Variants in ARL14EPL observed in about 807,000 individuals in gnomAD.
ARL14EPL encodes the protein ARL14 effector protein-like.
In ARL14EPL, 17 loss-of-function variants were observed where a neutral mutation model predicts 15.9. The observed-to-expected ratio is 1.07, with a 90% CI of 0.73 to 1.60. The LOEUF (loss-of-function observed/expected upper bound fraction) is 1.60. ARL14EPL is among the 40% of genes most tolerant of loss of function. The probability of loss-of-function intolerance (pLI) is 0.00; values close to 1 mark genes in which losing one functional copy is unlikely to be tolerated. For missense variants in ARL14EPL, 214 were observed against 185.9 expected, an observed-to-expected ratio of 1.15 and a Z score of -0.88; for synonymous variants, 78 against 63.8, an observed-to-expected ratio of 1.22 and a Z score of -1.06.
intron 1 of ARL14EPL, among the ~76,000 whole-genome samples, chr5:116,043,010 G>A (rs921329263): frequency 4.0e-5 from 6 of 151,792 alleles, no homozygotes; most frequent in African/African-American, 1.2e-4. Flanking sequence ...CGGTACTTGG[G>A]GATGTACTAT....
At chr5:116,033,974 A>C (rs1045508880) in intron 1 of ARL14EPL, among the ~76,000 whole-genome samples, 1 of 152,174 alleles carries the variant, frequency 6.6e-6, no homozygotes, top group Admixed American at 6.5e-5. Flanking sequence ...TTTCTCTCAC[A>C]AACAATGCCA....
At chr5:116,041,286 A>G (rs1452750026) in intron 1 of ARL14EPL, among the ~76,000 whole-genome samples, 4 of 152,218 alleles carry the variant, frequency 2.6e-5, no homozygotes, top group Non-Finnish European at 5.9e-5. Flanking sequence ...AGTATCATAT[A>G]GAATACTTTC....
At chr5:116,036,204 C>G (rs543867143) in intron 1 of ARL14EPL, among the ~76,000 whole-genome samples, 2 of 152,212 alleles carry the variant, frequency 1.3e-5, no homozygotes, top group South Asian at 4.1e-4. Flanking sequence ...AATTTGAGAC[C>G]CATGCTCTCT....
intron 1 of ARL14EPL, among the ~76,000 whole-genome samples, chr5:116,034,689 C>T (rs1374555096): frequency 8.4e-6 from 1 of 119,010 alleles, no homozygotes; most frequent in African/African-American, 3.3e-5. Context: ...GGGTGATATA[C>T]CATTTGAGCT....
Position 116,058,904 on chromosome 5 carries a change from C to T in ARL14EPL, c.416C>T (p.Ser139Leu), listed in dbSNP as rs1351591633. ...GTTTACGATGCCATCGTCACTGAGT[C>T]AGGAGAGGTCATCAGCACGCTGCCG... is the stretch of plus-strand genomic sequence containing the variant. ...RWVYDAIVTESGEVISTLPFN... is the reference protein window; with the variant it reads ...RWVYDAIVTELGEVISTLPFN... The change falls in exon 4 of 4, where the codon TCA (serine) becomes TTA (leucine). Residue 139 changes from serine to leucine, a missense_variant. Coordinates refer to ENST00000686077, the MANE Select transcript of ARL14EPL (RefSeq NM_001195581.2). The T allele has an allele frequency of 6.5e-7, 1 of 1,536,084 alleles. No homozygotes were observed. The highest frequency in any genetic ancestry group is 8.7e-7 in the Non-Finnish European group (1 of 1,146,894).
intron 1 of ARL14EPL, among the ~76,000 whole-genome samples, chr5:116,041,042 G>T (rs938506670): frequency 2.7e-5 from 4 of 147,012 alleles, no homozygotes; most frequent in Non-Finnish European, 6.0e-5. Flanking sequence ...TTTTAGAGAG[G>T]TTTTAGTTTT....
chr5:116,048,048 C>T (rs1208360036), intron 1 of ARL14EPL, among the ~76,000 whole-genome samples: 2 of 152,160 alleles, frequency 1.3e-5, no homozygotes, highest in African/African-American at 4.8e-5. Flanking sequence ...CTATTCTGAC[C>T]CAAGCCTGTT....
At chr5:116,052,750 T>C (rs1442178631) in intron 2 of ARL14EPL, among the ~76,000 whole-genome samples, 4 of 152,368 alleles carry the variant, frequency 2.6e-5, no homozygotes, top group Admixed American at 2.6e-4. Context: ...TAGACTCTTA[T>C]TAAACTAAAT....
At chr5:116,047,299 A>G (rs1455965921) in intron 1 of ARL14EPL, among the ~76,000 whole-genome samples, 1 of 152,214 alleles carries the variant, frequency 6.6e-6, no homozygotes, top group Admixed American at 6.5e-5. Context: ...ACTTGAGATT[A>G]TTTAAAGTGC....
chr5:116,033,932 G>A (rs1749002609), intron 1 of ARL14EPL, among the ~76,000 whole-genome samples: 2 of 152,278 alleles, frequency 1.3e-5, no homozygotes, highest in South Asian at 2.1e-4. Flanking sequence ...AAAAGAAATA[G>A]CACGATATAA....
At chr5:116,036,452 T>C (rs1351349812) in intron 1 of ARL14EPL, among the ~76,000 whole-genome samples, 2 of 152,170 alleles carry the variant, frequency 1.3e-5, no homozygotes, top group East Asian at 1.9e-4. Context: ...AATAGTTAAA[T>C]TTGGACTCGT....
At chr5:116,053,385 A>AT (rs1749440028) in intron 2 of ARL14EPL, among the ~76,000 whole-genome samples, 1 of 150,876 alleles carries the variant, frequency 6.6e-6, no homozygotes, top group Non-Finnish European at 1.5e-5. Flanking sequence ...AAAAAAAAAA[A>AT]CCTCCAGAGA....
intron 1 of ARL14EPL, among the ~76,000 whole-genome samples, chr5:116,038,492 C>T (rs1027633099): frequency 3.3e-5 from 5 of 152,034 alleles, no homozygotes; most frequent in African/African-American, 9.7e-5. Context: ...GCGGTGACAA[C>T]GAGGCTGGGA....
chr5:116,046,044 A>G (rs1749261739), intron 1 of ARL14EPL, among the ~76,000 whole-genome samples: 1 of 152,062 alleles, frequency 6.6e-6, no homozygotes, highest in Non-Finnish European at 1.5e-5. Context: ...CTTTCTCTCT[A>G]CCAGATATGC....
At chr5:116,057,397 G>C (rs911171764) in intron 3 of ARL14EPL, among the ~76,000 whole-genome samples, 1 of 145,192 alleles carries the variant, frequency 6.9e-6, no homozygotes, top group Non-Finnish European at 1.5e-5. Flanking sequence ...TGCATGATTT[G>C]ATGTGTATAA....
intron 3 of ARL14EPL, among the ~76,000 whole-genome samples, chr5:116,056,334 G>T (rs924414264): frequency 6.6e-6 from 1 of 152,072 alleles, no homozygotes; most frequent in African/African-American, 2.4e-5. Flanking sequence ...TTTAATGATC[G>T]TCATTCTAAC....
At chr5:116,050,684 C>T (rs1749352824) in intron 1 of ARL14EPL, among the ~76,000 whole-genome samples, 1 of 151,936 alleles carries the variant, frequency 6.6e-6, no homozygotes, top group Non-Finnish European at 1.5e-5. Context: ...AACAGCAGGG[C>T]CTGTGGAAGC....
At chr5:116,043,312 T>A (rs1437365696) in intron 1 of ARL14EPL, among the ~76,000 whole-genome samples, 1 of 151,990 alleles carries the variant, frequency 6.6e-6, no homozygotes, top group Non-Finnish European at 1.5e-5. Context: ...AAGGGTAAAC[T>A]AAGGAGTGCT....
rs994983343 is a variant in ARL14EPL, at chr5:116,051,519, T to C, written c.54T>C (p.His18=). 1 of 1,535,752 alleles carries C rather than the reference T, an allele frequency of 6.5e-7. No individual in the cohort carries two copies. The highest frequency in any genetic ancestry group is 8.7e-7 in the Non-Finnish European group (1 of 1,146,554). Reference sequence around the variant, plus strand: ...CCATTCAAGAGAGACACACAGATCATAGTTTTCCTGAGAAGAACTGTCAAA... The same window carrying C: ...CCATTCAAGAGAGACACACAGATCACAGTTTTCCTGAGAAGAACTGTCAAA... ...NNSIQERHTD[H]SFPEKNCQIG... is the part of the protein sequence containing the mutation. The change falls in exon 2 of 4, where the codon CAT becomes CAC. Residue 18 remains histidine, a synonymous_variant. Coordinates refer to ENST00000686077, the MANE Select transcript of ARL14EPL (RefSeq NM_001195581.2).
Sources: gnomAD v4.1 joint callset for allele counts (sites outside exome capture counted in the v4.1 genomes callset) on GRCh38, gnomAD v4.1.1 for gene constraint, MANE v1.5 for transcripts, NCBI Gene and HGNC (gene_info 2026-07-23, HGNC 2026-07-21) for gene names.